Variants in KSR2 observed in about 807,000 individuals in gnomAD.
The protein encoded by KSR2 is kinase suppressor of ras 2.
A neutral mutation model predicts 107.8 loss-of-function variants in KSR2; 25 were observed. The observed-to-expected ratio is 0.23, with a 90% CI of 0.17 to 0.32. The LOEUF is 0.32. KSR2 is among the 10% of genes least tolerant of loss of function. KSR2 has a pLI of 1.00. For synonymous variants in KSR2, 480 were observed against 507.0 expected, an observed-to-expected ratio of 0.95 and a Z score of 0.71; for missense variants, 887 against 1,268.9, an observed-to-expected ratio of 0.70 and a Z score of 4.57.
intron 1 of KSR2, among the ~76,000 whole-genome samples, chr12:117,918,009 C>T (rs1471836572): frequency 6.6e-6 from 1 of 152,210 alleles, no homozygotes; most frequent in Non-Finnish European, 1.5e-5. Flanking sequence ...TGGCTGTCTC[C>T]ACTTCTCAGT....
chr12:117,578,514 A>C (rs1879426653), intron 7 of KSR2, among the ~76,000 whole-genome samples: 4 of 148,760 alleles, frequency 2.7e-5, no homozygotes. Context: ...AGGCAGGAGA[A>C]TTGCTTGAAC....
At chr12:117,526,555 T>G (rs1182160834) in intron 13 of KSR2, among the ~76,000 whole-genome samples, 1 of 152,186 alleles carries the variant, frequency 6.6e-6, no homozygotes, top group Non-Finnish European at 1.5e-5. Context: ...AACACGATTT[T>G]CCTTGGAAGC....
At chr12:117,734,722 A>G (rs1046971836) in intron 4 of KSR2, among the ~76,000 whole-genome samples, 1 of 149,096 alleles carries the variant, frequency 6.7e-6, no homozygotes, top group Non-Finnish European at 1.5e-5. Context: ...AAAATGTGTG[A>G]TGGATGGACG....
chr12:117,731,315 C>T (rs1237297189), intron 4 of KSR2, among the ~76,000 whole-genome samples: 1 of 149,806 alleles, frequency 6.7e-6, no homozygotes, highest in South Asian at 2.1e-4. Flanking sequence ...CGCCCAGCAG[C>T]CGCCCCGTCT....
chr12:117,831,474 C>T lies in KSR2; in HGVS notation c.472+23954G>A, dbSNP rs1429326108. ...AAATTGGGGGCAGGAACGCCAGGCA[C>T]TTAATTCACACAGGAGACAGCTTGG... On this transcript the variant is annotated intron_variant, in intron 3 of 19. Coordinates refer to ENST00000339824, the MANE Select transcript of KSR2 (RefSeq NM_173598.6). Among the ~76,000 whole-genome samples the T allele has an allele frequency of 5.3e-5, 8 of 152,182 alleles. No homozygotes were observed. The East Asian group carries it at 1.4e-3, about 26-fold the overall frequency.
intron 4 of KSR2, among the ~76,000 whole-genome samples, chr12:117,707,923 A>T (rs1886593010): frequency 6.6e-6 from 1 of 152,216 alleles, no homozygotes. Flanking sequence ...ACCATACTGG[A>T]TCCAAGAGAT....
At chr12:117,710,324 A>T (rs1886713560) in intron 4 of KSR2, among the ~76,000 whole-genome samples, 1 of 152,194 alleles carries the variant, frequency 6.6e-6, no homozygotes, top group Non-Finnish European at 1.5e-5. Context: ...CTTTTATTTA[A>T]CAAGGAAATG....
At chr12:117,742,297 TG>T (rs1308485056) in intron 4 of KSR2, among the ~76,000 whole-genome samples, 7 of 152,242 alleles carry the variant, frequency 4.6e-5, no homozygotes, top group Admixed American at 3.9e-4. Flanking sequence ...TTGGGACAAC[TG>T]AAATCTAAAT....
At chr12:117,695,966 G>A (rs1886040422) in intron 4 of KSR2, among the ~76,000 whole-genome samples, 1 of 152,164 alleles carries the variant, frequency 6.6e-6, no homozygotes, top group South Asian at 2.1e-4. Flanking sequence ...AAAGCTGACA[G>A]CCAGCACAGT....
At chr12:117,733,935 C>T (rs1887832009) in intron 4 of KSR2, among the ~76,000 whole-genome samples, 1 of 152,098 alleles carries the variant, frequency 6.6e-6, no homozygotes, top group Non-Finnish European at 1.5e-5. Context: ...TGCTGGAAAG[C>T]CCAATGATGT....
intron 13 of KSR2, 67 bp downstream of exon 13, chr12:117,527,004 T>C (rs1875213409): frequency 7.3e-7 from 1 of 1,368,072 alleles, no homozygotes; most frequent in South Asian, 1.2e-5. Flanking sequence ...ATCCAAAACG[T>C]CAGTCGGCTT....
intron 3 of KSR2, among the ~76,000 whole-genome samples, chr12:117,812,029 A>G (rs1891206368): frequency 6.6e-6 from 1 of 152,236 alleles, no homozygotes; most frequent in African/African-American, 2.4e-5. Flanking sequence ...GCTTGGGCTC[A>G]AGGAGCAGGC....
chr12:117,830,335 G>C (rs973713000), intron 3 of KSR2, among the ~76,000 whole-genome samples: 17 of 151,910 alleles, frequency 1.1e-4, no homozygotes, highest in African/African-American at 4.1e-4. Flanking sequence ...GGGAACAAAA[G>C]GCACAGGGGA....
Position 117,601,295 on chromosome 12 carries a change from T to TGGC in KSR2, c.1172-18937_1172-18936insGCC, listed in dbSNP as rs1555220699. 8.2e-5 allele frequency among the ~76,000 whole-genome samples: 11 copies of TGGC among 134,354 alleles called. 1 individual carries two copies. The highest frequency in any genetic ancestry group is 1.5e-4 in the African/African-American group (5 of 33,342). The allele number at this position is 134,354 out of a possible 152,430, so 88.1% of individuals were successfully genotyped here. On this transcript the variant is annotated intron_variant, in intron 5 of 19. Coordinates refer to ENST00000339824, the MANE Select transcript of KSR2 (RefSeq NM_173598.6). The stretch of plus-strand genomic sequence containing the variant: ...CTTACTTGTTTAGAATCCAAGATCT[T>TGGC]GGGGGGGGGGGTACCTAATTACTAG...
intron 1 of KSR2, among the ~76,000 whole-genome samples, chr12:117,887,910 G>A (rs951218983): frequency 6.6e-6 from 1 of 152,220 alleles, no homozygotes; most frequent in African/African-American, 2.4e-5. Flanking sequence ...GATTGCAAAG[G>A]GAACGTCACT....
chr12:117,621,190 T>A (rs77164738), intron 5 of KSR2, among the ~76,000 whole-genome samples: 1 of 152,170 alleles, frequency 6.6e-6, no homozygotes, highest in South Asian at 2.1e-4. Context: ...GTTTTTCCTG[T>A]GCTTTCACAT....
intron 4 of KSR2, among the ~76,000 whole-genome samples, chr12:117,742,593 G>A (rs2136789471): frequency 6.6e-6 from 1 of 152,232 alleles, no homozygotes; most frequent in South Asian, 2.1e-4. Context: ...AAAGGGTAAA[G>A]TGGGTAGAAT....
At chr12:117,839,812 T>C (rs1277433916) in intron 3 of KSR2, among the ~76,000 whole-genome samples, 1 of 152,168 alleles carries the variant, frequency 6.6e-6, no homozygotes, top group African/African-American at 2.4e-5. Context: ...GAGAAAACCA[T>C]TGAAACCTGG....
In KSR2 at chr12:117,950,974, C is replaced by T. The variant is rs181880269; in HGVS notation, c.180+17102G>A. Reference sequence around the variant, plus strand: ...TGTCACCCAGGCTGGAGTGCAGTGGCGCGATCTCGACTCACTGTAAGCTCC... The same window carrying T: ...TGTCACCCAGGCTGGAGTGCAGTGGTGCGATCTCGACTCACTGTAAGCTCC... On this transcript the variant is annotated intron_variant, in intron 1 of 19. Transcript: ENST00000339824. Among the ~76,000 whole-genome samples, 1,067 of 151,804 alleles carry T rather than the reference C, an allele frequency of 7.0e-3. 38 individuals carry two copies. The East Asian group carries it at 0.11, about 16-fold the overall frequency.
Sources: allele counts gnomAD v4.1 joint callset (sites outside exome capture counted in the v4.1 genomes callset), GRCh38; gene constraint gnomAD v4.1.1; transcripts MANE v1.5; gene names NCBI Gene and HGNC (gene_info 2026-07-23, HGNC 2026-07-21).